Variants in CACHD1 observed in about 807,000 individuals in gnomAD.
CACHD1 encodes cache domain containing 1, also known as VWFA and cache domain-containing protein 1.
A neutral mutation model predicts 138.7 loss-of-function variants in CACHD1; 71 were observed. The ratio of observed to expected loss-of-function variants is 0.51; its 90% CI spans 0.42 to 0.62. The LOEUF (loss-of-function observed/expected upper bound fraction) is 0.62, where lower values mean the gene tolerates loss of function less well. Among genes scored for constraint, CACHD1 ranks in the 20% least tolerant of loss-of-function variants. The pLI, the probability that CACHD1 is intolerant of heterozygous loss-of-function variation, is 0.00. For synonymous variants in CACHD1, 578 were observed against 591.5 expected, an observed-to-expected ratio of 0.98 and a Z score of 0.33; for missense variants, 1,389 against 1,625.3, an observed-to-expected ratio of 0.85 and a Z score of 2.50.
intron 1 of CACHD1, among the ~76,000 whole-genome samples, chr1:64,530,912 C>T (rs904884360): frequency 7.5e-6 from 1 of 134,156 alleles, no homozygotes; most frequent in Non-Finnish European, 1.6e-5. Flanking sequence ...TGTGTATCAA[C>T]ATTCCATCGT....
intron 9 of CACHD1, among the ~76,000 whole-genome samples, chr1:64,649,252 AGTG>A (rs2100675499): frequency 6.6e-6 from 1 of 152,204 alleles, no homozygotes; most frequent in African/African-American, 2.4e-5. Flanking sequence ...GCCGGAGTGC[AGTG>A]GTGTGATCAT....
intron 2 of CACHD1, among the ~76,000 whole-genome samples, chr1:64,574,413 A>G (rs1646950502): frequency 6.6e-6 from 1 of 152,176 alleles, no homozygotes; most frequent in East Asian, 1.9e-4. Flanking sequence ...AGAGGATCCC[A>G]GAAAAAGTCT....
Position 64,692,873 on chromosome 1 carries a change from G to C in CACHD1, c.*1312G>C, listed in dbSNP as rs943060010. ...TAAAGAATGTGTGTGGTAAATCTCC[G>C]TTTATATGTAGTTGGAAAAAATTCA... On this transcript the variant is annotated 3_prime_UTR_variant, in exon 27 of 27. Transcript: ENST00000651257. 6.6e-6 allele frequency: 1 copy of C among 152,582 alleles called. No homozygotes were observed. Among genetic ancestry groups the C allele is most frequent in the Non-Finnish European group, 1.5e-5 (1 of 68,032 alleles). The allele number at this position is 152,582 out of a possible 1,614,324, so 9.5% of individuals were successfully genotyped here. A position where few individuals can be genotyped will look rare whatever the true frequency, so the allele number is the denominator to read the frequency against.
rs145317248 is a variant in CACHD1, at chr1:64,661,510, G to A, written c.1952-2185G>A. ...CTCTTCTTCTCTTTACTCCAGCCCC[G>A]TGGTGACTCTTCTGTCTCTGAAGTG... is the stretch of plus-strand genomic sequence containing the variant. On this transcript the variant is annotated intron_variant, in intron 13 of 26. Coordinates refer to ENST00000651257, the MANE Select transcript of CACHD1 (RefSeq NM_020925.4). 6.6e-4 allele frequency among the ~76,000 whole-genome samples: 100 copies of A among 152,170 alleles called. 1 individual carries two copies. Among genetic ancestry groups the A allele is most frequent in the Admixed American group, 5.2e-4 (8 of 15,288 alleles).
chr1:64,500,717 TAAAAA>T (rs72436564), intron 1 of CACHD1, among the ~76,000 whole-genome samples: 4 of 33,922 alleles, frequency 1.2e-4, no homozygotes, highest in Non-Finnish European at 3.1e-4. Flanking sequence ...CCTTGTCTCT[TAAAAA>T]AAAAAAAAAA....
intron 2 of CACHD1, among the ~76,000 whole-genome samples, chr1:64,575,772 A>G (rs1482955769): frequency 2.0e-5 from 3 of 152,194 alleles, no homozygotes; most frequent in Non-Finnish European, 4.4e-5. Flanking sequence ...GCAGACATAA[A>G]TAAAGTACCC....
intron 26 of CACHD1, among the ~76,000 whole-genome samples, chr1:64,689,417 C>G (rs1650472947): frequency 6.6e-6 from 1 of 152,304 alleles, no homozygotes; most frequent in Admixed American, 6.5e-5. Context: ...ACCAATTTCT[C>G]TTGCCTCCAC....
intron 2 of CACHD1, among the ~76,000 whole-genome samples, chr1:64,559,669 ACAAAC>A (rs1646824398): frequency 6.6e-6 from 1 of 152,032 alleles, no homozygotes; most frequent in African/African-American, 2.4e-5. Flanking sequence ...AAATAAACAA[ACAAAC>A]CAAAAAAACA....
chr1:64,669,658 G>T (rs7513574), intron 16 of CACHD1, among the ~76,000 whole-genome samples: 34,269 of 151,876 alleles, frequency 0.23, 6,413 homozygotes, highest in East Asian at 0.75. Flanking sequence ...AAACAGCCTG[G>T]TCTGTTGTAC....
intron 1 of CACHD1, among the ~76,000 whole-genome samples, chr1:64,515,335 A>G (rs971363087): frequency 2.0e-5 from 3 of 152,222 alleles, no homozygotes; most frequent in Admixed American, 2.0e-4. Flanking sequence ...ACAAAAACAG[A>G]CAAGAAATAA....
intron 2 of CACHD1, among the ~76,000 whole-genome samples, chr1:64,557,279 G>C (rs908454215): frequency 2.6e-5 from 4 of 152,042 alleles, no homozygotes; most frequent in African/African-American, 9.7e-5. Flanking sequence ...GAGCTTCTTG[G>C]GGGGCTTGAT....
chr1:64,567,860 A>G (rs951470855), intron 2 of CACHD1, among the ~76,000 whole-genome samples: 2 of 152,242 alleles, frequency 1.3e-5, no homozygotes, highest in Non-Finnish European at 2.9e-5. Flanking sequence ...AAATGAGGAA[A>G]AGCAAGTTTA....
intron 1 of CACHD1, among the ~76,000 whole-genome samples, chr1:64,471,868 TG>T (rs1177758325): frequency 1.3e-5 from 2 of 152,212 alleles, no homozygotes; most frequent in Non-Finnish European, 2.9e-5. Flanking sequence ...TAAAAATTGC[TG>T]AACACCAACC....
intron 1 of CACHD1, among the ~76,000 whole-genome samples, chr1:64,535,090 C>G (rs1646621056): frequency 6.6e-6 from 1 of 152,184 alleles, no homozygotes; most frequent in African/African-American, 2.4e-5. Flanking sequence ...CTCCTGTCCT[C>G]TCAGGAAGCC....
intron 1 of CACHD1, among the ~76,000 whole-genome samples, chr1:64,507,403 A>ATAT (rs1646385720): frequency 6.6e-6 from 1 of 152,208 alleles, no homozygotes; most frequent in Admixed American, 6.5e-5. Flanking sequence ...AGACCACAGC[A>ATAT]TATGCCAATT....
At chr1:64,679,804 G>T in intron 24 of CACHD1, 48 bp downstream of exon 24, 1 of 1,598,950 alleles carries the variant, frequency 6.3e-7, no homozygotes, top group Non-Finnish European at 8.5e-7. Flanking sequence ...CAGGCTAGAA[G>T]GACAGTGGCG....
intron 19 of CACHD1, among the ~76,000 whole-genome samples, chr1:64,674,676 T>A (rs1409294695): frequency 6.6e-6 from 1 of 152,186 alleles, no homozygotes; most frequent in Non-Finnish European, 1.5e-5. Flanking sequence ...ACCAAGCATA[T>A]ATACAGGGTG....
chr1:64,584,472 C>T (rs548924687), intron 3 of CACHD1, among the ~76,000 whole-genome samples: 1 of 152,312 alleles, frequency 6.6e-6, no homozygotes, highest in Non-Finnish European at 1.5e-5. Flanking sequence ...ACTTGCCCAC[C>T]TGGTGAATTT....
Position 64,582,263 on chromosome 1 carries a change from T to C in CACHD1, c.369T>C (p.Thr123=), listed in dbSNP as rs747614506. 2 of 1,613,972 alleles carry C rather than the reference T, an allele frequency of 1.2e-6. No individual in the cohort carries two copies. Among genetic ancestry groups the C allele is most frequent in the South Asian group, 2.2e-5 (2 of 91,066 alleles). ...SYTAHLTSPL[T]AIQDCCTIPP... The stretch of plus-strand genomic sequence containing the variant: ...CGGCTCACCTAACCTCTCCCCTAAC[T>C]GCAATTCAAGACTGCTGTACTATCC... Residue 123 remains threonine, a synonymous_variant, in exon 3 of 27, where the codon ACT becomes ACC. Transcript: ENST00000651257.
Sources: allele counts gnomAD v4.1 joint callset (sites outside exome capture counted in the v4.1 genomes callset), GRCh38; gene constraint gnomAD v4.1.1; transcripts MANE v1.5; gene names NCBI Gene and HGNC (gene_info 2026-07-23, HGNC 2026-07-21).